PCDHA3: variants seen among roughly 807,000 people sequenced by gnomAD.
PCDHA3 encodes the protein protocadherin alpha 3.
A neutral mutation model predicts 62.2 loss-of-function variants in PCDHA3; 41 were observed. That is an observed-to-expected ratio of 0.66 (90% CI 0.51 to 0.86). PCDHA3 has a LOEUF of 0.86. PCDHA3 is among the 40% of genes least tolerant of loss of function. The probability of loss-of-function intolerance (pLI) is 0.00; values close to 1 mark genes in which losing one functional copy is unlikely to be tolerated. For missense variants in PCDHA3, 1,304 were observed against 1,241.2 expected (o/e 1.05, Z -0.76); for synonymous variants, 640 against 555.4 (o/e 1.15, Z -2.14).
intron 1 of PCDHA3, among the ~76,000 whole-genome samples, chr5:140,890,993 AT>A (rs2062889744): frequency 6.6e-6 from 1 of 152,134 alleles, no homozygotes; most frequent in Non-Finnish European, 1.5e-5. Flanking sequence ...TTATTTCATC[AT>A]AATTATTGAA....
chr5:141,009,892 G>GTTT lies in PCDHA3; in HGVS notation c.2808_2809insTTT (p.Glu936_Lys937insPhe). 6.2e-7 allele frequency: 1 copy of GTTT among 1,612,140 alleles called. No individual in the cohort carries two copies. Among genetic ancestry groups the GTTT allele is most frequent in the Non-Finnish European group, 8.5e-7 (1 of 1,179,578 alleles). ...AGAAGAAGGGTAACAAGACCCAGGAGAAAAAAGAGAAAGGGAACAGCACGA... is the reference window on the plus strand; with the variant it reads ...AGAAGAAGGGTAACAAGACCCAGGAGTTTAAAAAAGAGAAAGGGAACAGCACGA... On this transcript the variant is annotated inframe_insertion, in exon 4 of 4. Transcript: ENST00000522353.
At chr5:140,842,075 T>C (rs1285752130) in intron 1 of PCDHA3, 5 of 1,613,720 alleles carry the variant, frequency 3.1e-6, no homozygotes, top group Admixed American at 1.7e-5. Context: ...AGTAAGAATA[T>C]TCGAAAACGC....
chr5:140,868,942 C>G (rs1238492263), intron 1 of PCDHA3: 1 of 1,256,058 alleles, frequency 8.0e-7, no homozygotes, highest in Admixed American at 2.8e-5. Context: ...TTGGTCTGAA[C>G]AGTGAGGCAC....
intron 3 of PCDHA3, among the ~76,000 whole-genome samples, chr5:140,991,890 T>A (rs1192590580): frequency 1.3e-5 from 2 of 152,192 alleles, no homozygotes; most frequent in Non-Finnish European, 2.9e-5. Context: ...CCATAACAAA[T>A]TAACACAAAA....
At chr5:140,871,955 G>C in intron 1 of PCDHA3, among the ~76,000 whole-genome samples, 1 of 152,196 alleles carries the variant, frequency 6.6e-6, no homozygotes, top group East Asian at 1.9e-4. Flanking sequence ...TTTCTAAAGG[G>C]AGGAGGTCTT....
chr5:140,949,050 T>C lies in PCDHA3; in HGVS notation c.2395-29899T>C, dbSNP rs561017467. 5.3e-5 allele frequency among the ~76,000 whole-genome samples: 8 copies of C among 151,896 alleles called. No homozygotes were observed. The East Asian group carries it at 1.5e-3, about 29-fold the overall frequency. On this transcript the variant is annotated intron_variant, in intron 1 of 3. Coordinates refer to ENST00000522353, the MANE Select transcript of PCDHA3 (RefSeq NM_018906.3). ...TATTCATTTAAAAGTATGTTCTAAT[T>C]TCCATTATGATTTAACTCTTTCACC...
intron 1 of PCDHA3, chr5:140,829,890 A>G: frequency 2.5e-6 from 4 of 1,613,880 alleles, no homozygotes; most frequent in Non-Finnish European, 3.4e-6. Context: ...GTTGACGCCG[A>G]CTCAGGCTAC....
chr5:140,881,488 AT>A (rs1193131425), intron 1 of PCDHA3: 4 of 334,526 alleles, frequency 1.2e-5, no homozygotes, highest in African/African-American at 8.9e-5. Flanking sequence ...TATTGTGTTT[AT>A]GCACATACAC....
chr5:140,870,910 A>G (rs2052532769), intron 1 of PCDHA3: 1 of 1,613,930 alleles, frequency 6.2e-7, no homozygotes, highest in South Asian at 1.1e-5. Context: ...CTCAGGCTAC[A>G]ACGCGTGGCT....
chr5:140,855,822 A>G (rs1409014183), intron 1 of PCDHA3: 5 of 538,132 alleles, frequency 9.3e-6, no homozygotes, highest in South Asian at 3.1e-5. Flanking sequence ...TTGTGAACTC[A>G]TGGAATCGTA....
intron 1 of PCDHA3, chr5:140,929,147 A>G (rs1247156816): frequency 6.2e-7 from 1 of 1,614,062 alleles, no homozygotes; most frequent in Non-Finnish European, 8.5e-7. Flanking sequence ...AGACTTTCTC[A>G]GACTTATCTC....
chr5:140,882,052 C>A (rs2058925535), intron 1 of PCDHA3: 5 of 766,334 alleles, frequency 6.5e-6, no homozygotes, highest in Admixed American at 3.1e-5. Context: ...GTCATACTTA[C>A]ACTTACACGT....
At chr5:140,842,736 G>A in intron 1 of PCDHA3, 1 of 1,594,954 alleles carries the variant, frequency 6.3e-7, no homozygotes, top group South Asian at 1.1e-5. Context: ...CCGCCGGGCT[G>A]CCACATCTTC....
chr5:140,870,395 C>T (rs1554164197), intron 1 of PCDHA3: 1 of 1,614,218 alleles, frequency 6.2e-7, no homozygotes, highest in South Asian at 1.1e-5. Context: ...GATGGGGGTT[C>T]GCCTTCTCTG....
chr5:140,871,309 C>G (rs1554165416), intron 1 of PCDHA3: 1 of 1,614,028 alleles, frequency 6.2e-7, no homozygotes. Flanking sequence ...GCCGGGGAAG[C>G]CCACGCTGGT....
intron 1 of PCDHA3, chr5:140,834,639 G>C (rs2150223224): frequency 3.1e-6 from 5 of 1,614,100 alleles, no homozygotes; most frequent in African/African-American, 1.3e-5. Context: ...CATTTTGTTT[G>C]TGAATTCTCG....
intron 1 of PCDHA3, chr5:140,830,046 A>G: frequency 6.2e-7 from 1 of 1,613,718 alleles, no homozygotes; most frequent in Non-Finnish European, 8.5e-7. Context: ...GTGCTGGTGA[A>G]AGACCACGGT....
intron 2 of PCDHA3, among the ~76,000 whole-genome samples, chr5:140,981,928 T>A (rs141616160): frequency 6.6e-6 from 1 of 152,202 alleles, no homozygotes; most frequent in African/African-American, 2.4e-5. Context: ...GTTTCTCTAG[T>A]CTCAGGAAAT....
rs782803218 is a variant in PCDHA3, at chr5:140,802,374, G to A, written c.1177G>A (p.Val393Ile). The A allele has an allele frequency of 5.0e-6, 8 of 1,614,082 alleles. No individual in the cohort carries two copies. The highest frequency in any genetic ancestry group is 3.3e-5 in the Admixed American group (2 of 60,006). The change falls in exon 1 of 4, where the codon GTC (valine) becomes ATC (isoleucine). Residue 393 changes from valine to isoleucine, a missense_variant. Coordinates refer to ENST00000522353, the MANE Select transcript of PCDHA3 (RefSeq NM_018906.3). ...GQVTCSLTPHVPFKLVSTFKN... is the reference protein window; with the variant it reads ...GQVTCSLTPHIPFKLVSTFKN... Reference sequence around the variant, plus strand: ...GGTCACCTGCTCGCTGACGCCCCACGTCCCCTTCAAGCTGGTGTCCACCTT... The same window carrying A: ...GGTCACCTGCTCGCTGACGCCCCACATCCCCTTCAAGCTGGTGTCCACCTT...
Sources: allele counts gnomAD v4.1 joint callset (sites outside exome capture counted in the v4.1 genomes callset), GRCh38; gene constraint gnomAD v4.1.1; transcripts MANE v1.5; gene names NCBI Gene and HGNC (gene_info 2026-07-23, HGNC 2026-07-21).